Variants in VTI1A observed in about 807,000 individuals in gnomAD.
VTI1A encodes the protein vesicle transport through interaction with t-SNAREs homolog 1A.
Under a neutral mutation model 34.9 loss-of-function variants are expected in VTI1A, and 22 were observed. That is an observed-to-expected ratio of 0.63 (90% CI 0.45 to 0.90). The LOEUF (loss-of-function observed/expected upper bound fraction) is 0.90, where lower values mean the gene tolerates loss of function less well. VTI1A is among the 40% of genes least tolerant of loss of function. VTI1A has a pLI of 0.00. For synonymous variants in VTI1A, 87 were observed against 97.3 expected (o/e 0.89, Z 0.62); for missense variants, 268 against 275.6 (o/e 0.97, Z 0.20).
intron 3 of VTI1A, among the ~76,000 whole-genome samples, chr10:112,499,667 C>T (rs1217003311): frequency 6.6e-6 from 1 of 152,204 alleles, no homozygotes; most frequent in Non-Finnish European, 1.5e-5. Flanking sequence ...CTTCTTCCTG[C>T]ATTTCTTCTT....
At position 112,721,340 on chromosome 10, in the gene VTI1A, C is replaced by A. The variant is rs141535034; in HGVS notation, c.560+52342C>A. Among the ~76,000 whole-genome samples the A allele has an allele frequency of 1.1e-3, 174 of 152,312 alleles. 1 individual carries two copies. The highest frequency in any genetic ancestry group is 3.8e-3 in the African/African-American group (158 of 41,566). On this transcript the variant is annotated intron_variant, in intron 7 of 7. Transcript: ENST00000393077. ...ACAGTTATTTAGCAACGCTACAATA[C>A]CAACTTCAGAAGTAGAATATATGGT...
At chr10:112,509,593 A>G (rs1206745304) in intron 3 of VTI1A, among the ~76,000 whole-genome samples, 2 of 152,248 alleles carry the variant, frequency 1.3e-5, no homozygotes, top group Admixed American at 6.5e-5. Context: ...TGGGGCTACC[A>G]TGCCCAAAGA....
At chr10:112,726,028 C>T (rs1442620854) in intron 7 of VTI1A, among the ~76,000 whole-genome samples, 1 of 152,172 alleles carries the variant, frequency 6.6e-6, no homozygotes, top group Non-Finnish European at 1.5e-5. Flanking sequence ...TATATAAAGA[C>T]TTCAGTCTAG....
At chr10:112,782,031 C>G (rs1852145733) in intron 7 of VTI1A, among the ~76,000 whole-genome samples, 1 of 152,212 alleles carries the variant, frequency 6.6e-6, no homozygotes, top group Non-Finnish European at 1.5e-5. Context: ...CACAAGTCCC[C>G]TCTTCTAGAT....
Position 112,767,729 on chromosome 10 carries a change from C to G in VTI1A, c.561-47561C>G, listed in dbSNP as rs912800916. ...TGTATTCTCCCAATTTTCTTGGTTG[C>G]GATGAAAAAATAATAATTTTTAAAA... On this transcript the variant is annotated intron_variant, in intron 7 of 7. Coordinates refer to ENST00000393077, the MANE Select transcript of VTI1A (RefSeq NM_145206.4). The surrounding 1 kb of genome is among the most constrained non-coding windows in gnomAD (Gnocchi z 4.0). Among the ~76,000 whole-genome samples, 1 of 151,156 alleles carries G rather than the reference C, an allele frequency of 6.6e-6. No homozygotes were observed. The highest frequency in any genetic ancestry group is 1.5e-5 in the Non-Finnish European group (1 of 67,892).
chr10:112,564,369 C>A (rs1851832207), intron 5 of VTI1A, among the ~76,000 whole-genome samples: 1 of 151,292 alleles, frequency 6.6e-6, no homozygotes, highest in African/African-American at 2.4e-5. Flanking sequence ...TTGTGCTTGT[C>A]TTCACTGTGA....
Position 112,493,039 on chromosome 10 carries a change from A to T in VTI1A, c.264+28382A>T, listed in dbSNP as rs776258882. On this transcript the variant is annotated intron_variant, in intron 3 of 7. Coordinates refer to ENST00000393077, the MANE Select transcript of VTI1A (RefSeq NM_145206.4). ...GTTTTGCCTTTTCTAGAAATTTTAT[A>T]TTAATTTGTTGAATAGAATCTGGAT... is the stretch of plus-strand genomic sequence containing the variant. Among the ~76,000 whole-genome samples, 64 of 152,220 alleles carry T rather than the reference A, an allele frequency of 4.2e-4. 1 individual carries two copies. In the Middle Eastern group the frequency reaches 0.01, roughly 24 times the overall value.
Position 112,447,317 on chromosome 10 carries a change from C to G in VTI1A, c.-57C>G. 1 of 1,570,566 alleles carries G rather than the reference C, an allele frequency of 6.4e-7. No individual in the cohort carries two copies. Among genetic ancestry groups the G allele is most frequent in the Non-Finnish European group, 8.6e-7 (1 of 1,156,090 alleles). On this transcript the variant is annotated 5_prime_UTR_variant, in exon 1 of 8. Transcript: ENST00000393077. ...TAAGCCGCGGGGCCCCTCGCTGCCC[C>G]TCGAGGCCCTTTCCCTGACCTAGGC...
chr10:112,785,807 T>C (rs1852270011), intron 7 of VTI1A, among the ~76,000 whole-genome samples: 1 of 152,224 alleles, frequency 6.6e-6, no homozygotes, highest in Admixed American at 6.5e-5. Context: ...GTCTGTTGTC[T>C]GTTTTGTTCC....
intron 2 of VTI1A, among the ~76,000 whole-genome samples, chr10:112,462,081 C>T (rs191558595): frequency 8.9e-4 from 135 of 152,304 alleles, no homozygotes; most frequent in African/African-American, 3.1e-3. Context: ...AACTCCTGAC[C>T]GCAGGTGATC....
chr10:112,547,215 G>A (rs1302065342), intron 5 of VTI1A, among the ~76,000 whole-genome samples: 1 of 152,130 alleles, frequency 6.6e-6, no homozygotes, highest in Non-Finnish European at 1.5e-5. Flanking sequence ...AGGAGGTCGA[G>A]GCTGCAGTAA....
chr10:112,622,163 G>T (rs1011973856), intron 5 of VTI1A, among the ~76,000 whole-genome samples: 1 of 152,148 alleles, frequency 6.6e-6, no homozygotes, highest in African/African-American at 2.4e-5. Context: ...CAAAATGTGA[G>T]CACAGAAATG....
chr10:112,539,796 CA>C (rs1348796026), intron 5 of VTI1A, among the ~76,000 whole-genome samples: 5 of 151,888 alleles, frequency 3.3e-5, no homozygotes, highest in Non-Finnish European at 7.4e-5. Context: ...TTTTATATAC[CA>C]AAAAACACAT....
chr10:112,451,275 C>T (rs1564781029), intron 1 of VTI1A, among the ~76,000 whole-genome samples: 1 of 152,096 alleles, frequency 6.6e-6, no homozygotes. Context: ...ATGTAAAAAT[C>T]AGTGAAATAA....
chr10:112,670,177 G>A (rs1847797789), intron 7 of VTI1A, among the ~76,000 whole-genome samples: 1 of 152,136 alleles, frequency 6.6e-6, no homozygotes, highest in Admixed American at 6.6e-5. Context: ...AAGAAAGGAA[G>A]GGGAGGGAAA....
At chr10:112,458,521 A>G (rs1389867806) in intron 1 of VTI1A, among the ~76,000 whole-genome samples, 1 of 152,182 alleles carries the variant, frequency 6.6e-6, no homozygotes, top group Non-Finnish European at 1.5e-5. Context: ...TTGTGAGTAC[A>G]CATAAAACAC....
the VTI1A span, among the ~76,000 whole-genome samples, chr10:112,842,050 CCTTTTTT>C: frequency 1.1e-5 from 1 of 93,160 alleles, no homozygotes; most frequent in Non-Finnish European, 2.1e-5. Context: ...TTTTTTTTTT[CCTTTTTT>C]TTTTTTTTTT....
At position 112,572,266 on chromosome 10, in the gene VTI1A, A is replaced by C. The variant is rs116500725; in HGVS notation, c.427+33936A>C. Among the ~76,000 whole-genome samples the C allele has an allele frequency of 8.1e-3, 1,227 of 152,340 alleles. 19 individuals are homozygous for C. Among genetic ancestry groups the C allele is most frequent in the African/African-American group, 0.028 (1,173 of 41,574 alleles). On this transcript the variant is annotated intron_variant, in intron 5 of 7. Coordinates refer to ENST00000393077, the MANE Select transcript of VTI1A (RefSeq NM_145206.4). The stretch of plus-strand genomic sequence containing the variant: ...CTCTATCCCTTCATCATCAAATAAA[A>C]TGAAGACAATGATAGCATGGTTGTG...
At chr10:112,846,505 G>T in the VTI1A span, among the ~76,000 whole-genome samples, 1 of 151,942 alleles carries the variant, frequency 6.6e-6, no homozygotes, top group Admixed American at 6.6e-5. Flanking sequence ...GGTGGCTCAC[G>T]CCTGTAATCC....
Sources: allele counts gnomAD v4.1 joint callset (sites outside exome capture counted in the v4.1 genomes callset), GRCh38; gene constraint gnomAD v4.1.1; non-coding constraint Gnocchi (gnomAD v3.1); transcripts MANE v1.5; gene names NCBI Gene and HGNC (gene_info 2026-07-23, HGNC 2026-07-21).